PDE10A: variants seen among roughly 807,000 people sequenced by gnomAD.
PDE10A encodes the protein cAMP and cAMP-inhibited cGMP 3',5'-cyclic phosphodiesterase 10A.
In PDE10A, 39 loss-of-function variants were observed where a neutral mutation model predicts 97.7. The ratio of observed to expected loss-of-function variants is 0.40; its 90% CI spans 0.31 to 0.52. The LOEUF is 0.52. PDE10A is among the 20% of genes least tolerant of loss of function. The probability of loss-of-function intolerance (pLI) is 0.56; values close to 1 mark genes in which losing one functional copy is unlikely to be tolerated. For synonymous variants in PDE10A, 371 were observed against 376.8 expected (o/e 0.98, Z 0.18); for missense variants, 731 against 1,047.8 (o/e 0.70, Z 4.17).
chr6:165,672,900 T>C (rs1312429212), intron 1 of PDE10A, among the ~76,000 whole-genome samples: 2 of 152,228 alleles, frequency 1.3e-5, no homozygotes, highest in East Asian at 1.9e-4. Flanking sequence ...AATCTTTAAA[T>C]TGAACCATCA....
chr6:165,961,094 G>A (rs550354165), intron 1 of PDE10A, among the ~76,000 whole-genome samples: 6 of 151,662 alleles, frequency 4.0e-5, no homozygotes, highest in East Asian at 3.9e-4. Flanking sequence ...TCTCCAGTCC[G>A]AGGCCAGGCT....
chr6:165,950,344 C>G (rs1355095045), intron 1 of PDE10A, among the ~76,000 whole-genome samples: 1 of 152,172 alleles, frequency 6.6e-6, no homozygotes, highest in Non-Finnish European at 1.5e-5. Context: ...CTCACAGTAA[C>G]ATGGTCTAGA....
chr6:165,710,379 G>A (rs1429910195), intron 1 of PDE10A, among the ~76,000 whole-genome samples: 5 of 152,106 alleles, frequency 3.3e-5, no homozygotes, highest in Admixed American at 6.5e-5. Context: ...TCACCTAAAC[G>A]GAGCCCTCCA....
chr6:165,387,129 T>A (rs1347077178), intron 17 of PDE10A, among the ~76,000 whole-genome samples: 1 of 152,196 alleles, frequency 6.6e-6, no homozygotes, highest in African/African-American at 2.4e-5. Context: ...GAATGATGAC[T>A]ACATGTTGCT....
chr6:165,332,935 TC>T lies in PDE10A; in HGVS notation c.*89del. 1.7e-6 allele frequency: 1 copy of T among 593,408 alleles called. No homozygotes were observed. The highest frequency in any genetic ancestry group is 1.9e-5 in the African/African-American group (1 of 51,744). The allele number at this position is 593,408 out of a possible 1,614,324, so 36.8% of individuals were successfully genotyped here. On this transcript the variant is annotated 3_prime_UTR_variant, in exon 22 of 22. Transcript: ENST00000539869. ...TGCACCCCAGTTACCAGGTGCAGGT[TC>T]CCCCCACCCCCCCCAAAAAAAGGAA... is the stretch of plus-strand genomic sequence containing the variant.
chr6:165,371,661 G>T (rs1364224941), intron 18 of PDE10A, among the ~76,000 whole-genome samples: 1 of 152,134 alleles, frequency 6.6e-6, no homozygotes, highest in Non-Finnish European at 1.5e-5. Flanking sequence ...AGGAGGAACT[G>T]GTACCATTCC....
intron 1 of PDE10A, among the ~76,000 whole-genome samples, chr6:165,724,445 A>G (rs1792242739): frequency 6.6e-6 from 1 of 152,220 alleles, no homozygotes; most frequent in African/African-American, 2.4e-5. Context: ...GCCTTCATAC[A>G]GGTGGATAGC....
intron 1 of PDE10A, among the ~76,000 whole-genome samples, chr6:165,595,209 T>C (rs1786517127): frequency 1.3e-5 from 2 of 152,130 alleles, no homozygotes; most frequent in Non-Finnish European, 2.9e-5. Flanking sequence ...GTAGCCTCAG[T>C]CCATCCTTTG....
chr6:165,552,593 T>C (rs1784071573), intron 1 of PDE10A, among the ~76,000 whole-genome samples: 1 of 152,212 alleles, frequency 6.6e-6, no homozygotes, highest in Non-Finnish European at 1.5e-5. Context: ...TAGGTAACAC[T>C]AGACAAACAC....
intron 2 of PDE10A, among the ~76,000 whole-genome samples, chr6:165,527,497 C>A (rs1258236567): frequency 6.6e-6 from 1 of 152,120 alleles, no homozygotes; most frequent in African/African-American, 2.4e-5. Flanking sequence ...TGGAGCAAGG[C>A]CCTGCCATCT....
intron 1 of PDE10A, among the ~76,000 whole-genome samples, chr6:165,788,517 T>TAAA (rs1387938972): frequency 4.4e-4 from 3 of 6,864 alleles, no homozygotes; most frequent in Admixed American, 1.5e-3. Flanking sequence ...AAACTCTGTC[T>TAAA]CAAAAAAAAA....
chr6:165,566,176 C>T (rs1169159916), intron 1 of PDE10A, among the ~76,000 whole-genome samples: 2 of 152,090 alleles, frequency 1.3e-5, no homozygotes, highest in African/African-American at 4.8e-5. Context: ...ATGTGCAAAA[C>T]ACATATCAGA....
chr6:165,500,549 T>C (rs1447970723), intron 2 of PDE10A, among the ~76,000 whole-genome samples: 4 of 145,746 alleles, frequency 2.7e-5, no homozygotes, highest in Non-Finnish European at 6.0e-5. Context: ...TAACCTCAAG[T>C]ACCCAGGGAC....
At chr6:165,392,176 T>C (rs1371782030) in intron 16 of PDE10A, among the ~76,000 whole-genome samples, 3 of 152,228 alleles carry the variant, frequency 2.0e-5, no homozygotes, top group African/African-American at 7.2e-5. Flanking sequence ...GATATGTCAC[T>C]AACTCTGGGT....
At chr6:165,649,137 G>T (rs1054027647) in intron 1 of PDE10A, among the ~76,000 whole-genome samples, 1 of 152,248 alleles carries the variant, frequency 6.6e-6, no homozygotes. Context: ...CTCACGAGGA[G>T]CTTGCAGCTC....
At chr6:165,635,222 G>T (rs1340015481) in intron 1 of PDE10A, among the ~76,000 whole-genome samples, 5 of 152,164 alleles carry the variant, frequency 3.3e-5, no homozygotes, top group Non-Finnish European at 7.3e-5. Flanking sequence ...ATTGAGAGAT[G>T]ATCAGGCAAG....
At chr6:165,946,284 C>A (rs1783763442) in intron 1 of PDE10A, among the ~76,000 whole-genome samples, 1 of 152,090 alleles carries the variant, frequency 6.6e-6, no homozygotes, top group African/African-American at 2.4e-5. Context: ...ATCACGAGGT[C>A]AGGAGATTGA....
At chr6:165,872,204 G>A (rs1583216019) in intron 1 of PDE10A, among the ~76,000 whole-genome samples, 2 of 152,134 alleles carry the variant, frequency 1.3e-5, no homozygotes, top group South Asian at 2.1e-4. Flanking sequence ...TTTGTAACAT[G>A]CACATTTTAT....
chr6:165,586,233 T>A (rs1785904325), intron 1 of PDE10A, among the ~76,000 whole-genome samples: 4 of 152,214 alleles, frequency 2.6e-5, no homozygotes. Context: ...GTAAACTTTT[T>A]AAAATTATAT....
Sources: allele counts gnomAD v4.1 joint callset (sites outside exome capture counted in the v4.1 genomes callset), GRCh38; gene constraint gnomAD v4.1.1; transcripts MANE v1.5; gene names NCBI Gene and HGNC (gene_info 2026-07-23, HGNC 2026-07-21).